Variants in AGO4 observed in about 807,000 individuals in gnomAD.
AGO4 encodes argonaute RISC component 4.
Under a neutral mutation model 104.7 loss-of-function variants are expected in AGO4, and 33 were observed. The observed-to-expected ratio is 0.32, with a 90% CI of 0.24 to 0.42. The LOEUF (loss-of-function observed/expected upper bound fraction) is 0.42. AGO4 is among the 10% of genes least tolerant of loss of function. The pLI is 1.00. For synonymous variants in AGO4, 331 were observed against 364.7 expected (o/e 0.91, Z 1.05); for missense variants, 711 against 1,083.4 (o/e 0.66, Z 4.83).
rs1374641980 is a variant in AGO4 at position 35,833,889 on chromosome 1, C to G, written c.1380-101C>G. 1.8e-5 allele frequency: 19 copies of G among 1,085,606 alleles called. No individual in the cohort carries two copies. The East Asian group carries it at 4.9e-4, about 28-fold the overall frequency. 67.2% of individuals were successfully genotyped at this position (1,085,606 alleles called of 1,614,324 possible). On this transcript the variant is annotated intron_variant, in intron 11 of 17. Coordinates refer to ENST00000373210, the MANE Select transcript of AGO4 (RefSeq NM_017629.4). ...TTTGTTTACTTGTTTCTAAATTTGG[C>G]TAAGAATTTACAAAACTGAAGGAAG...
intron 7 of AGO4, among the ~76,000 whole-genome samples, chr1:35,829,308 A>G (rs982834249): frequency 2.0e-5 from 3 of 150,626 alleles, no homozygotes; most frequent in African/African-American, 7.4e-5. Context: ...CTTCTTTCTC[A>G]GAAAAAAAAA....
Position 35,816,925 on chromosome 1 carries a change from T to G in AGO4, c.63T>G (p.Leu21=), listed in dbSNP as rs1643728282. Residue 21 remains leucine (L), a synonymous_variant, in exon 2 of 18, where the codon CTT becomes CTG. Coordinates refer to ENST00000373210, the MANE Select transcript of AGO4 (RefSeq NM_017629.4). The part of the protein sequence containing the change: ...SLFQPPRRPG[L]GTVGKPIRLL... ...TTCAGCCACCTCGTCGTCCTGGCCT[T>G]GGAACTGTTGGAAAACCAATTCGAC... 1 of 1,613,774 alleles carries G rather than the reference T, an allele frequency of 6.2e-7. No individual in the cohort carries two copies. Among genetic ancestry groups the G allele is most frequent in the African/African-American group, 1.3e-5 (1 of 74,870 alleles).
At chr1:35,835,097 G>A (rs1170697945) in intron 12 of AGO4, among the ~76,000 whole-genome samples, 2 of 138,024 alleles carry the variant, frequency 1.4e-5, no homozygotes, top group Admixed American at 8.3e-5. Context: ...TGCAGCCTCC[G>A]CCTCTTGGGT....
chr1:35,812,336 A>G (rs986667015), intron 1 of AGO4, among the ~76,000 whole-genome samples: 1 of 152,182 alleles, frequency 6.6e-6, no homozygotes, highest in Non-Finnish European at 1.5e-5. Context: ...GATACAAATA[A>G]TATTTACTTT....
At chr1:35,831,698 A>G in intron 8 of AGO4, 114 bp from the exon 9 acceptor site, 1 of 1,543,062 alleles carries the variant, frequency 6.5e-7, no homozygotes, top group African/African-American at 1.4e-5. Flanking sequence ...AGATGATTTC[A>G]CTATATAACC....
Position 35,850,836 on chromosome 1 carries a change from A to G in AGO4, c.2278-18A>G, listed in dbSNP as rs146302662. ...AACGAACAAAAAAAAAACATTAATC[A>G]TAAAACTCTCTCCTCAGGGAACCAG... On this transcript the variant is annotated intron_variant, in intron 16 of 17. Coordinates refer to ENST00000373210, the MANE Select transcript of AGO4 (RefSeq NM_017629.4). 147 of 1,528,534 alleles carry G rather than the reference A, an allele frequency of 9.6e-5. No homozygotes were observed. In the African/African-American group the frequency reaches 1.9e-3, roughly 20 times the overall value. 94.7% of individuals were successfully genotyped at this position (1,528,534 alleles called of 1,614,324 possible). A position where few individuals can be genotyped will look rare whatever the true frequency, so the allele number is the denominator to read the frequency against.
chr1:35,848,177 A>C (rs1489011172), intron 15 of AGO4, among the ~76,000 whole-genome samples: 2 of 152,242 alleles, frequency 1.3e-5, no homozygotes, highest in Non-Finnish European at 2.9e-5. Context: ...ATAGAATCAT[A>C]GCCCTTGAGT....
rs772268528 is a variant in AGO4 at position 35,832,479 on chromosome 1, C to T, written c.1288C>T (p.Arg430Ter). 2 of 1,611,618 alleles carry T rather than the reference C, an allele frequency of 1.2e-6. No individual in the cohort carries two copies. Among genetic ancestry groups the T allele is most frequent in the East Asian group, 2.2e-5 (1 of 44,824 alleles). ...ATPNQGVWDM[R>*]GKQFYAGIEI... ...ACCCAACCAGGGTGTCTGGGACATG[C>T]GAGGAAAGCAGTTTTATGCTGGCAT... The change falls in exon 11 of 18, where the codon CGA (arginine) becomes TGA (stop). Residue 430 changes from arginine to a stop codon, truncating the protein, a stop_gained. Coordinates refer to ENST00000373210, the MANE Select transcript of AGO4 (RefSeq NM_017629.4). LOFTEE classifies it high-confidence loss of function.
At chr1:35,816,842 A>G (rs1643724650) in intron 1 of AGO4, 40 bp from the exon 2 acceptor site, 18 of 1,505,328 alleles carry the variant, frequency 1.2e-5, no homozygotes, top group Non-Finnish European at 1.5e-5. Flanking sequence ...AAGAAAAAGA[A>G]AAAAAAAATA....
At position 35,855,492 on chromosome 1, in the gene AGO4, C is replaced by T. The variant is rs781435069; in HGVS notation, c.*1887C>T. 2 of 152,564 alleles carry T rather than the reference C, an allele frequency of 1.3e-5. No individual in the cohort carries two copies. Among genetic ancestry groups the T allele is most frequent in the Non-Finnish European group, 2.9e-5 (2 of 68,038 alleles). 9.5% of individuals were successfully genotyped at this position (152,564 alleles called of 1,614,324 possible). A position where few individuals can be genotyped will look rare whatever the true frequency, so the allele number is the denominator to read the frequency against. On this transcript the variant is annotated 3_prime_UTR_variant, in exon 18 of 18. Coordinates refer to ENST00000373210, the MANE Select transcript of AGO4 (RefSeq NM_017629.4). ...GCCACCTGTGTTTGCTGAGACTGGT[C>T]TCTGAGAGAGTTTTATGTCGATCGA...
Position 35,841,609 on chromosome 1 carries a change from C to T in AGO4, c.2041-7C>T, listed in dbSNP as rs765438724. 1.9e-6 allele frequency: 3 copies of T among 1,613,958 alleles called. No individual in the cohort carries two copies. In the South Asian group the frequency reaches 3.3e-5, roughly 18 times the overall value. Reference sequence around the variant, plus strand: ...CAATTAAACATAATTCCATTTCTGTCTTCTAGGTAGCTTGGCCAGAACTAA... The same window carrying T: ...CAATTAAACATAATTCCATTTCTGTTTTCTAGGTAGCTTGGCCAGAACTAA... On this transcript the variant is annotated splice_region_variant and splice_polypyrimidine_tract_variant and intron_variant, in intron 14 of 17. Coordinates refer to ENST00000373210, the MANE Select transcript of AGO4 (RefSeq NM_017629.4). This position sits in a 1 kb window ranked among gnomAD's most constrained non-coding sequence, Gnocchi z 4.7.
chr1:35,838,281 C>G (rs1328622021), intron 13 of AGO4, among the ~76,000 whole-genome samples: 7 of 152,074 alleles, frequency 4.6e-5, no homozygotes, highest in Admixed American at 3.3e-4. Context: ...GTCTTGAGCT[C>G]CTGACCTCAA....
At chr1:35,818,706 G>GGAAGGAAAC (rs1643810763) in intron 2 of AGO4, among the ~76,000 whole-genome samples, 2 of 151,670 alleles carry the variant, frequency 1.3e-5, no homozygotes, top group African/African-American at 4.8e-5. Context: ...AGGAAGGAAA[G>GGAAGGAAAC]AAACAAACAG....
chr1:35,838,956 A>G (rs1276962269), intron 13 of AGO4, among the ~76,000 whole-genome samples: 1 of 151,892 alleles, frequency 6.6e-6, no homozygotes, highest in East Asian at 1.9e-4. Flanking sequence ...TATTTTGTCA[A>G]CTTGATTAGT....
In AGO4 at chr1:35,857,127, GAAAATATAATCCACTGTTTAAC is replaced by G. The variant is rs908038473; in HGVS notation, c.*3525_*3546del. 8.5e-5 allele frequency: 13 copies of G among 152,164 alleles called. No individual in the cohort carries two copies. Among genetic ancestry groups the G allele is most frequent in the Non-Finnish European group, 1.5e-4 (10 of 68,038 alleles). 9.4% of individuals were successfully genotyped at this position (152,164 alleles called of 1,614,324 possible). A position where few individuals can be genotyped will look rare whatever the true frequency, so the allele number is the denominator to read the frequency against. On this transcript the variant is annotated 3_prime_UTR_variant, in exon 18 of 18. Transcript: ENST00000373210. The stretch of plus-strand genomic sequence containing the variant: ...GCAAAGCTGCCTACCCTTCAAGTGG[GAAAATATAATCCACTGTTTAAC>G]AAGGCTCACCCTCTCCACCCTGTCC...
chr1:35,853,026 G>A (rs369693619), intron 17 of AGO4, among the ~76,000 whole-genome samples: 35 of 152,104 alleles, frequency 2.3e-4, no homozygotes, highest in African/African-American at 5.3e-4. Flanking sequence ...CGAGGCAGGC[G>A]GATCACGAGG....
intron 13 of AGO4, 70 bp downstream of exon 13, chr1:35,836,063 A>G: frequency 1.3e-6 from 2 of 1,487,944 alleles, no homozygotes; most frequent in Non-Finnish European, 1.8e-6. Context: ...AAAGCACACA[A>G]ATATTATATA....
Position 35,816,922 on chromosome 1 carries a change from C to G in AGO4, c.60C>G (p.Gly20=), listed in dbSNP as rs1212137462. The G allele has an allele frequency of 1.2e-6, 2 of 1,613,674 alleles. No individual in the cohort carries two copies. Among genetic ancestry groups the G allele is most frequent in the South Asian group, 2.2e-5 (2 of 91,046 alleles). Residue 20 remains glycine, a synonymous_variant, in exon 2 of 18, where the codon GGC becomes GGG. Coordinates refer to ENST00000373210, the MANE Select transcript of AGO4 (RefSeq NM_017629.4). The part of the protein sequence containing the change: ...ASLFQPPRRP[G]LGTVGKPIRL... The stretch of plus-strand genomic sequence containing the variant: ...TGTTTCAGCCACCTCGTCGTCCTGG[C>G]CTTGGAACTGTTGGAAAACCAATTC...
chr1:35,831,301 G>A, intron 7 of AGO4, 126 bp from the exon 8 acceptor site: 1 of 987,308 alleles, frequency 1.0e-6, no homozygotes, highest in Non-Finnish European at 1.4e-6. Context: ...GGCGGAGGTT[G>A]AGATCACGCC....
Sources: allele counts gnomAD v4.1 joint callset (sites outside exome capture counted in the v4.1 genomes callset), GRCh38; gene constraint gnomAD v4.1.1; non-coding constraint Gnocchi (gnomAD v3.1); transcripts MANE v1.5; gene names NCBI Gene and HGNC (gene_info 2026-07-23, HGNC 2026-07-21).